Variants in CMTR1 observed in about 807,000 individuals in gnomAD.
CMTR1 encodes cap-specific mRNA (nucleoside-2'-O-)-methyltransferase 1.
In CMTR1, 39 loss-of-function variants were observed where a neutral mutation model predicts 107.0. The observed-to-expected ratio is 0.36, with a 90% CI of 0.28 to 0.48. CMTR1 has a LOEUF of 0.48. CMTR1 is among the 20% of genes least tolerant of loss of function. The probability of loss-of-function intolerance (pLI) is 0.99; values close to 1 mark genes in which losing one functional copy is unlikely to be tolerated. For missense variants in CMTR1, 672 were observed against 1,064.9 expected (o/e 0.63, Z 5.14); for synonymous variants, 366 against 379.5 (o/e 0.96, Z 0.41).
At chr6:37,440,647 A>G (rs1771653434) in intron 2 of CMTR1, among the ~76,000 whole-genome samples, 1 of 152,204 alleles carries the variant, frequency 6.6e-6, no homozygotes, top group African/African-American at 2.4e-5. Context: ...TGGGAGGAAG[A>G]GTAGGAGGGA....
Position 37,480,496 on chromosome 6 carries a change from C to T in CMTR1, c.*351C>T, listed in dbSNP as rs866275050. The T allele has an allele frequency of 2.0e-4, 220 of 1,109,602 alleles. 1 individual carries two copies. The Middle Eastern group carries it at 3.6e-3, about 18-fold the overall frequency. The allele number at this position is 1,109,602 out of a possible 1,614,324, so 68.7% of individuals were successfully genotyped here. On this transcript the variant is annotated 3_prime_UTR_variant, in exon 24 of 24. Transcript: ENST00000373451. ...TGGGCTCTGCTGTTCTCTCCTGCAT[C>T]CTGTAGACTCACTTTTCTGAGTTCC...
intron 23 of CMTR1, 134 bp from the exon 24 acceptor site, chr6:37,479,879 T>TA (rs1761819723): frequency 4.7e-6 from 4 of 853,614 alleles, no homozygotes; most frequent in Admixed American, 3.0e-5. Context: ...GCCTACCGGG[T>TA]ACCTTTTGCC....
At chr6:37,427,860 A>C in the CMTR1 span, among the ~76,000 whole-genome samples, 1 of 152,226 alleles carries the variant, frequency 6.6e-6, no homozygotes, top group African/African-American at 2.4e-5. This position sits in a 1 kb window ranked among gnomAD's most constrained non-coding sequence, Gnocchi z 4.4. Context: ...ATAGAATTCC[A>C]CGTTGACTGT....
chr6:37,430,379 T>C (rs1771345233), upstream of CMTR1, among the ~76,000 whole-genome samples: 1 of 147,918 alleles, frequency 6.8e-6, no homozygotes, highest in Admixed American at 7.1e-5. Flanking sequence ...CTTTTTATTC[T>C]TGGGTATTTT....
At chr6:37,459,740 T>C (rs995740832) in intron 10 of CMTR1, 56 bp downstream of exon 10, 11 of 1,270,058 alleles carry the variant, frequency 8.7e-6, no homozygotes, top group Non-Finnish European at 1.2e-5. Flanking sequence ...TTTTAGAGGT[T>C]TGAGAATTGT....
chr6:37,461,604 T>C lies in CMTR1; in HGVS notation c.1151T>C (p.Leu384Pro). The C allele has an allele frequency of 6.2e-7, 1 of 1,612,256 alleles. No homozygotes were observed. Among genetic ancestry groups the C allele is most frequent in the Non-Finnish European group, 8.5e-7 (1 of 1,179,002 alleles). Residue 384 changes from leucine to proline, a missense_variant, in exon 11 of 24, where the codon CTT becomes CCT. Transcript: ENST00000373451. ...NLQEILSKQL[L>P]LCQFLMALSI... ...CAGGAGATCCTCAGCAAGCAGCTGC[T>C]TCTGTGTCAGTTCCTCATGGCGCTG...
intron 13 of CMTR1, among the ~76,000 whole-genome samples, chr6:37,470,805 T>A (rs1761607377): frequency 6.6e-6 from 1 of 152,192 alleles, no homozygotes; most frequent in African/African-American, 2.4e-5. Context: ...ACTTGGGATC[T>A]AAGAACTGAG....
At chr6:37,427,641 A>T in the CMTR1 span, among the ~76,000 whole-genome samples, 6 of 152,202 alleles carry the variant, frequency 3.9e-5, no homozygotes, top group Admixed American at 1.3e-4. The surrounding 1 kb of genome is among the most constrained non-coding windows in gnomAD (Gnocchi z 4.4). Flanking sequence ...ATAGCCTATT[A>T]TATATCTACC....
chr6:37,443,029 A>G (rs2113866256), intron 2 of CMTR1, among the ~76,000 whole-genome samples: 1 of 152,316 alleles, frequency 6.6e-6, no homozygotes, highest in African/African-American at 2.4e-5. Flanking sequence ...ATATAAAAAG[A>G]TAGCCAGTGT....
Position 37,480,296 on chromosome 6 carries a change from C to T in CMTR1, c.*151C>T. On this transcript the variant is annotated 3_prime_UTR_variant, in exon 24 of 24. Coordinates refer to ENST00000373451, the MANE Select transcript of CMTR1 (RefSeq NM_015050.3). The stretch of plus-strand genomic sequence containing the variant: ...GGAGTGGGTGGCCTCCTCTCCATCC[C>T]CTGAAGAGCTCAGGCAGGGCCCTGC... 1 of 1,448,634 alleles carries T rather than the reference C, an allele frequency of 6.9e-7. No individual in the cohort carries two copies. 89.7% of individuals were successfully genotyped at this position (1,448,634 alleles called of 1,614,324 possible).
intron 13 of CMTR1, among the ~76,000 whole-genome samples, chr6:37,469,177 C>T (rs980652436): frequency 6.6e-5 from 10 of 151,904 alleles, no homozygotes; most frequent in African/African-American, 2.4e-4. Flanking sequence ...AACTATTTCC[C>T]TTTCATTTTT....
chr6:37,474,410 C>A, intron 17 of CMTR1, 114 bp from the exon 18 acceptor site: 2 of 1,229,116 alleles, frequency 1.6e-6, no homozygotes, highest in Non-Finnish European at 2.3e-6. Flanking sequence ...TTTCTTCTGA[C>A]ATTTCCCAGT....
Position 37,458,656 on chromosome 6 carries a change from T to C in CMTR1, c.822T>C (p.Ala274=), listed in dbSNP as rs1440558860. ...GGGAAGCTGAGCTTCTGTACTTTGC[T>C]GATGTCTGCGCAGGCCCAGGTGGCT... ...KDREAELLYF[A]DVCAGPGGFS... is the part of the protein sequence containing the mutation. Residue 274 remains alanine, a synonymous_variant, in exon 9 of 24, where the codon GCT becomes GCC. Transcript: ENST00000373451. This position sits in a 1 kb window ranked among gnomAD's most constrained non-coding sequence, Gnocchi z 4.7. The C allele has an allele frequency of 6.2e-7, 1 of 1,614,034 alleles. No individual in the cohort carries two copies. The highest frequency in any genetic ancestry group is 8.5e-7 in the Non-Finnish European group (1 of 1,180,034).
At chr6:37,443,239 T>C (rs1389357796) in intron 2 of CMTR1, among the ~76,000 whole-genome samples, 2 of 152,222 alleles carry the variant, frequency 1.3e-5, no homozygotes, top group Admixed American at 1.3e-4. Context: ...TATAATGGAA[T>C]CGTTGAAAAT....
intron 2 of CMTR1, among the ~76,000 whole-genome samples, chr6:37,440,404 A>AGTGG (rs1771646094): frequency 1.3e-5 from 2 of 152,198 alleles, no homozygotes; most frequent in Admixed American, 6.5e-5. Context: ...AAGAATAAGT[A>AGTGG]GTGGCTGTGG....
At chr6:37,459,716 T>C in intron 10 of CMTR1, 32 bp downstream of exon 10, 2 of 1,433,124 alleles carry the variant, frequency 1.4e-6, no homozygotes, top group Non-Finnish European at 2.0e-6. Context: ...GACTGATGCA[T>C]TAAGGATTTG....
chr6:37,441,395 C>CT (rs1039428749), intron 2 of CMTR1, among the ~76,000 whole-genome samples: 9 of 151,924 alleles, frequency 5.9e-5, no homozygotes, highest in Non-Finnish European at 1.2e-4. Flanking sequence ...TTATTTATAG[C>CT]TTTTTTTACC....
chr6:37,474,797 C>T (rs994496045), intron 18 of CMTR1, 151 bp downstream of exon 18: 6 of 1,203,736 alleles, frequency 5.0e-6, no homozygotes, highest in Admixed American at 2.5e-5. Flanking sequence ...GACTCCTCCC[C>T]GAGCAGTTGC....
chr6:37,430,840 C>T (rs1415410320), upstream of CMTR1, among the ~76,000 whole-genome samples: 3 of 151,876 alleles, frequency 2.0e-5, no homozygotes, highest in Non-Finnish European at 2.9e-5. Flanking sequence ...CGGTGAAACC[C>T]CATCTCTATT....
Sources: gnomAD v4.1 joint callset for allele counts (sites outside exome capture counted in the v4.1 genomes callset) on GRCh38, gnomAD v4.1.1 for gene constraint, Gnocchi (gnomAD v3.1) non-coding constraint, MANE v1.5 for transcripts, NCBI Gene and HGNC (gene_info 2026-07-23, HGNC 2026-07-21) for gene names.